PCDHGB2: variants seen among roughly 807,000 people sequenced by gnomAD.
The protein encoded by PCDHGB2 is protocadherin gamma subfamily B, 2.
Under a neutral mutation model 59.3 loss-of-function variants are expected in PCDHGB2, and 55 were observed. The observed-to-expected ratio is 0.93, with a 90% CI of 0.75 to 1.16. The LOEUF (loss-of-function observed/expected upper bound fraction) is 1.16, where lower values mean the gene tolerates loss of function less well. Ranked by LOEUF, PCDHGB2 falls within the 50% of genes most tolerant of loss-of-function variation. The probability of loss-of-function intolerance (pLI) is 0.00; values close to 1 mark genes in which losing one functional copy is unlikely to be tolerated. For synonymous variants in PCDHGB2, 516 were observed against 512.0 expected (o/e 1.01, Z -0.11); for missense variants, 1,228 against 1,198.5 (o/e 1.02, Z -0.36).
chr5:141,426,898 C>G (rs1246109323), intron 1 of PCDHGB2: 3 of 456,634 alleles, frequency 6.6e-6, no homozygotes, highest in Admixed American at 4.7e-5. Context: ...CAACAGAGCT[C>G]TCATCTCCTG....
chr5:141,486,089 G>T lies in PCDHGB2; in HGVS notation c.2422-8718G>T, dbSNP rs2099624123. On this transcript the variant is annotated intron_variant, in intron 1 of 3. Coordinates refer to ENST00000522605, the MANE Select transcript of PCDHGB2 (RefSeq NM_018923.3). The surrounding 1 kb of genome is among the most constrained non-coding windows in gnomAD (Gnocchi z 5.0). ...CACTACTGGAAAGCTTACTCTTTTG[G>T]GGCCCCTAGACTTTGAGAGTGAGAA... is the stretch of plus-strand genomic sequence containing the variant. 1 of 1,614,084 alleles carries T rather than the reference G, an allele frequency of 6.2e-7. No individual in the cohort carries two copies. The highest frequency in any genetic ancestry group is 8.5e-7 in the Non-Finnish European group (1 of 1,180,014).
rs760722908 is a variant in PCDHGB2 at position 141,362,262 on chromosome 5, G to A, written c.2127G>A (p.Leu709=). Residue 709 remains leucine, a synonymous_variant, in exon 1 of 4, where the codon CTG becomes CTA. Coordinates refer to ENST00000522605, the MANE Select transcript of PCDHGB2 (RefSeq NM_018923.3). ...TGCTCTTCTTCCTCGCGGTGATTCT[G>A]GCAATCTCCCTGCGCCTGCGACTCT... ...ISVLFFLAVI[L]AISLRLRLSS... is the part of the protein sequence containing the mutation. 5.0e-6 allele frequency: 8 copies of A among 1,613,888 alleles called. No homozygotes were observed. In the Admixed American group the frequency reaches 5.0e-5, roughly 10 times the overall value.
At chr5:141,410,752 GT>G (rs2095421794) in intron 1 of PCDHGB2, 1 of 1,130,824 alleles carries the variant, frequency 8.8e-7, no homozygotes, top group Non-Finnish European at 1.2e-6. Context: ...TTTTCTCAAT[GT>G]TTTTTCAATT....
intron 2 of PCDHGB2, among the ~76,000 whole-genome samples, chr5:141,496,769 C>T (rs1434587849): frequency 2.0e-5 from 3 of 152,064 alleles, no homozygotes; most frequent in African/African-American, 7.3e-5. Flanking sequence ...CGAGCATCTA[C>T]TATGAGCAGG....
At chr5:141,434,497 G>A (rs986672351) in intron 1 of PCDHGB2, among the ~76,000 whole-genome samples, 2 of 152,214 alleles carry the variant, frequency 1.3e-5, no homozygotes, top group African/African-American at 4.8e-5. Context: ...CCCGCCCAGG[G>A]CAGAAAACTG....
At chr5:141,506,053 T>C (rs1486313858) in intron 3 of PCDHGB2, among the ~76,000 whole-genome samples, 1 of 152,126 alleles carries the variant, frequency 6.6e-6, no homozygotes, top group Non-Finnish European at 1.5e-5. Context: ...TCCCATAAGG[T>C]TGACTAAGGG....
intron 1 of PCDHGB2, among the ~76,000 whole-genome samples, chr5:141,460,003 A>AG (rs1177398494): frequency 6.6e-6 from 1 of 152,186 alleles, no homozygotes; most frequent in African/African-American, 2.4e-5. Context: ...GCTTGAACCC[A>AG]GGAGGCGGAG....
In PCDHGB2 at chr5:141,432,704, C is replaced by T; in HGVS notation, c.2422-62103C>T. ...GAGCCTCGTAGTGGCCGTCCAGGAC[C>T]ACGGCCAGCCCCCTCTCTCCGCCAC... is the stretch of plus-strand genomic sequence containing the variant. On this transcript the variant is annotated intron_variant, in intron 1 of 3. Coordinates refer to ENST00000522605, the MANE Select transcript of PCDHGB2 (RefSeq NM_018923.3). The surrounding 1 kb of genome is among the most constrained non-coding windows in gnomAD (Gnocchi z 6.0). The T allele has an allele frequency of 6.2e-7, 1 of 1,613,966 alleles. No homozygotes were observed. The highest frequency in any genetic ancestry group is 8.5e-7 in the Non-Finnish European group (1 of 1,179,976).
Position 141,491,995 on chromosome 5 carries a change from G to C in PCDHGB2, c.2422-2812G>C, listed in dbSNP as rs76332593. On this transcript the variant is annotated intron_variant, in intron 1 of 3. Transcript: ENST00000522605. The surrounding 1 kb of genome is among the most constrained non-coding windows in gnomAD (Gnocchi z 6.9). ...CTCCTTCGAGCTTCCGGTGAATTTC[G>C]GGCGATTTCCGCGGGTGTCGGGGGT... is the stretch of plus-strand genomic sequence containing the variant. 0.033 allele frequency: 22,941 copies of C among 696,644 alleles called. 426 individuals carry two copies. The highest frequency in any genetic ancestry group is 0.093 in the Middle Eastern group (249 of 2,666). The allele number at this position is 696,644 out of a possible 1,614,324, so 43.2% of individuals were successfully genotyped here. A position where few individuals can be genotyped will look rare whatever the true frequency, so the allele number is the denominator to read the frequency against.
rs976135607 is a variant in PCDHGB2 at position 141,489,115 on chromosome 5, C to A, written c.2422-5692C>A. ...CTAAGAACTGCTGCAAGCAGGCAAA[C>A]CTCCGAGCAGTTTTTAAGAGGCTGG... On this transcript the variant is annotated intron_variant, in intron 1 of 3. Coordinates refer to ENST00000522605, the MANE Select transcript of PCDHGB2 (RefSeq NM_018923.3). This position sits in a 1 kb window ranked among gnomAD's most constrained non-coding sequence, Gnocchi z 4.5. 7.3e-5 allele frequency: 37 copies of A among 506,794 alleles called. No homozygotes were observed. Among genetic ancestry groups the A allele is most frequent in the Non-Finnish European group, 1.2e-4 (35 of 298,604 alleles). 31.4% of individuals were successfully genotyped at this position (506,794 alleles called of 1,614,324 possible).
At position 141,371,344 on chromosome 5, in the gene PCDHGB2, T is replaced by C. The variant is rs752180321; in HGVS notation, c.2421+8788T>C. The C allele has an allele frequency of 9.1e-5, 147 of 1,613,880 alleles. 4 individuals are homozygous for C. In the South Asian group the frequency reaches 1.4e-3, roughly 16 times the overall value. ...TTTGAAGAGAGAGATAGCTACACAATTGGGGTGGAAGCAAAGGATGGTGGA... is the reference window on the plus strand; with the variant it reads ...TTTGAAGAGAGAGATAGCTACACAACTGGGGTGGAAGCAAAGGATGGTGGA... On this transcript the variant is annotated intron_variant, in intron 1 of 3. Coordinates refer to ENST00000522605, the MANE Select transcript of PCDHGB2 (RefSeq NM_018923.3).
intron 1 of PCDHGB2, chr5:141,423,206 C>A: frequency 6.2e-7 from 1 of 1,613,668 alleles, no homozygotes. Context: ...GCCACCGTCA[C>A]GCTCACCGTG....
chr5:141,425,835 T>C (rs536839515), intron 1 of PCDHGB2, among the ~76,000 whole-genome samples: 1 of 152,256 alleles, frequency 6.6e-6, no homozygotes, highest in Admixed American at 6.5e-5. Flanking sequence ...TTTTAAATTC[T>C]CTTTGCTGGG....
In PCDHGB2 at chr5:141,415,247, C is replaced by T. The variant is rs181239359; in HGVS notation, c.2421+52691C>T. The stretch of plus-strand genomic sequence containing the variant: ...GAGTCTCCAGCTAACTCTGAAACCT[C>T]AGACCTCACTCTGTACCTGGTGGTA... On this transcript the variant is annotated intron_variant, in intron 1 of 3. Transcript: ENST00000522605. 958 of 1,614,210 alleles carry T rather than the reference C, an allele frequency of 5.9e-4. 13 individuals are homozygous for T. The East Asian group carries it at 0.015, about 25-fold the overall frequency.
intron 1 of PCDHGB2, chr5:141,433,260 C>A: frequency 1.5e-6 from 2 of 1,352,308 alleles, no homozygotes; most frequent in South Asian, 1.4e-5. Flanking sequence ...GCGGTACGAT[C>A]ATAGCTCACT....
chr5:141,405,359 G>A, intron 1 of PCDHGB2: 2 of 1,614,018 alleles, frequency 1.2e-6, no homozygotes, highest in Non-Finnish European at 1.7e-6. Context: ...TCCTATAGAA[G>A]ACACCCCTTT....
At chr5:141,374,754 G>C (rs1770811216) in intron 1 of PCDHGB2, 6 of 1,612,936 alleles carry the variant, frequency 3.7e-6, no homozygotes, top group Non-Finnish European at 4.2e-6. Context: ...GTCCGCTCAA[G>C]CGTCGCCCAA....
At chr5:141,437,761 C>G (rs1200327020) in intron 1 of PCDHGB2, among the ~76,000 whole-genome samples, 3 of 144,682 alleles carry the variant, frequency 2.1e-5, no homozygotes, top group Admixed American at 7.0e-5. Flanking sequence ...TTTTTTGAGA[C>G]AGAGTCTCAA....
At chr5:141,366,319 C>T (rs1486100441) in intron 1 of PCDHGB2, 10 of 1,613,662 alleles carry the variant, frequency 6.2e-6, no homozygotes, top group African/African-American at 1.3e-5. Context: ...TCACCGTTGC[C>T]GTGGCCGACA....
Sources: allele counts gnomAD v4.1 joint callset (sites outside exome capture counted in the v4.1 genomes callset), GRCh38; gene constraint gnomAD v4.1.1; non-coding constraint Gnocchi (gnomAD v3.1); transcripts MANE v1.5; gene names NCBI Gene and HGNC (gene_info 2026-07-23, HGNC 2026-07-21).